Variants in DENND2B observed in about 807,000 individuals in gnomAD.
The protein encoded by DENND2B is DENN domain-containing protein 2B.
A neutral mutation model predicts 116.0 loss-of-function variants in DENND2B; 32 were observed. The observed-to-expected ratio is 0.28, with a 90% CI of 0.21 to 0.37. DENND2B has a LOEUF of 0.37. Ranked by LOEUF, DENND2B falls within the 10% of genes least tolerant of loss-of-function variation. The pLI is 1.00. For missense variants in DENND2B, 1,276 were observed against 1,477.7 expected, an observed-to-expected ratio of 0.86 and a Z score of 2.24; for synonymous variants, 588 against 583.9, an observed-to-expected ratio of 1.01 and a Z score of -0.10.
intron 3 of DENND2B, 128 bp from the exon 4 acceptor site, chr11:8,726,337 G>A: frequency 1.6e-6 from 2 of 1,283,900 alleles, no homozygotes; most frequent in Non-Finnish European, 2.1e-6. Flanking sequence ...AGAGCATCAA[G>A]GTGGGTCCAA....
At chr11:8,905,711 C>T (rs1267990052) in intron 1 of DENND2B, among the ~76,000 whole-genome samples, 1 of 151,952 alleles carries the variant, frequency 6.6e-6, no homozygotes, top group Non-Finnish European at 1.5e-5. Context: ...AACATGTGTC[C>T]ACACAAAGTC....
rs2063733307 is a variant in DENND2B, at chr11:8,870,349, T to G, written c.-250+605A>C. Among the ~76,000 whole-genome samples, 4 of 152,192 alleles carry G rather than the reference T, an allele frequency of 2.6e-5. No individual in the cohort carries two copies. The South Asian group carries it at 8.3e-4, about 32-fold the overall frequency. ...TTATTGGATAACGTGCCATAAACGT[T>G]GACTAGAGTGTGGACCCTTTAATAC... On this transcript the variant is annotated intron_variant, in intron 2 of 6. Coordinates refer to the DENND2B transcript ENST00000524757.
chr11:8,774,810 A>T (rs2057394424), intron 1 of DENND2B, among the ~76,000 whole-genome samples: 1 of 151,186 alleles, frequency 6.6e-6, no homozygotes, highest in Non-Finnish European at 1.5e-5. Flanking sequence ...CCCTGGGGAG[A>T]CTGAGATGAG....
chr11:8,737,057 T>C (rs1456735424), intron 2 of DENND2B, among the ~76,000 whole-genome samples: 1 of 152,144 alleles, frequency 6.6e-6, no homozygotes, highest in Non-Finnish European at 1.5e-5. Context: ...GCTGGGCCAA[T>C]GCAATTTGCT....
chr11:8,696,779 T>C, intron 17 of DENND2B, 113 bp from the exon 18 acceptor site: 1 of 1,477,972 alleles, frequency 6.8e-7, no homozygotes, highest in Non-Finnish European at 9.1e-7. Flanking sequence ...AGTACCACTC[T>C]TCTGTTCTGG....
At chr11:8,906,841 T>C (rs1264031201) in intron 1 of DENND2B, among the ~76,000 whole-genome samples, 1 of 152,236 alleles carries the variant, frequency 6.6e-6, no homozygotes, top group African/African-American at 2.4e-5. Flanking sequence ...AAAGCTGTGA[T>C]GATTCCAAAG....
At chr11:8,784,000 T>C (rs933107927) in intron 1 of DENND2B, 1 of 152,188 alleles carries the variant, frequency 6.6e-6, no homozygotes, top group African/African-American at 2.4e-5. Context: ...AAAATTTTAA[T>C]ACGTTTTTCA....
Position 8,730,079 on chromosome 11 carries a change from C to G in DENND2B, c.1211G>C (p.Ser404Thr). 1 of 1,614,162 alleles carries G rather than the reference C, an allele frequency of 6.2e-7. No individual in the cohort carries two copies. ...AGGAGGTAGACCATTACTGGGCTTA[C>G]TCTTGGGGTTCTTGTCAGCCTCGTA... Reference protein sequence around the residue: ...FEYEADKNPKSKPSNGLPPSP... With the variant: ...FEYEADKNPKTKPSNGLPPSP... Residue 404 changes from serine to threonine, a missense_variant, in exon 3 of 20, where the codon AGT becomes ACT. Physicochemically the swap from Ser to Thr is moderately conservative, Grantham distance 58 (BLOSUM62 1). Coordinates refer to ENST00000313726, the MANE Select transcript of DENND2B (RefSeq NM_213618.2). The surrounding 1 kb of genome is among the most constrained non-coding windows in gnomAD (Gnocchi z 4.1).
rs959271000 is a variant in DENND2B at position 8,851,355 on chromosome 11, G to A, written c.-156+5988C>T. On this transcript the variant is annotated intron_variant, in intron 3 of 6. Transcript: ENST00000524757. ...TAACAAAAACATGTAAATCATAAAAGAAATAGAAATTAAACGGCCATTAAA... is the reference window on the plus strand; with the variant it reads ...TAACAAAAACATGTAAATCATAAAAAAAATAGAAATTAAACGGCCATTAAA... Among the ~76,000 whole-genome samples the A allele has an allele frequency of 5.9e-5, 9 of 151,796 alleles. No individual in the cohort carries two copies. In the South Asian group the frequency reaches 8.3e-4, roughly 14 times the overall value.
At chr11:8,711,803 G>A (rs2043753133) in intron 9 of DENND2B, 2 of 299,300 alleles carry the variant, frequency 6.7e-6, no homozygotes, top group African/African-American at 4.3e-5. Flanking sequence ...GGAGGCGGAG[G>A]TTGCAGTGAG....
rs139819186 is a variant in DENND2B at position 8,851,710 on chromosome 11, T to C, written c.-156+5633A>G. Among the ~76,000 whole-genome samples the C allele has an allele frequency of 6.8e-3, 1,002 of 147,112 alleles. 10 individuals are homozygous for C. Among genetic ancestry groups the C allele is most frequent in the African/African-American group, 0.022 (884 of 41,068 alleles). On this transcript the variant is annotated intron_variant, in intron 3 of 6. Transcript: ENST00000524757. ...GATATTCACCATAGCATTTCTGTAATAGTTTAAATACATAGGGGGGGACAA... is the reference window on the plus strand; with the variant it reads ...GATATTCACCATAGCATTTCTGTAACAGTTTAAATACATAGGGGGGGACAA...
chr11:8,750,817 G>C (rs2052268324), intron 1 of DENND2B, 92 bp from the exon 2 acceptor site: 2 of 1,118,790 alleles, frequency 1.8e-6, no homozygotes, highest in Admixed American at 3.6e-5. Context: ...AGTGCCAAGA[G>C]GGTGTCTGTG....
intron 1 of DENND2B, among the ~76,000 whole-genome samples, chr11:8,900,852 C>T (rs1303139548): frequency 5.9e-5 from 9 of 151,960 alleles, no homozygotes. Flanking sequence ...ACCTGTAACC[C>T]CAGCTACTTG....
Position 8,779,501 on chromosome 11 carries a change from TCTTTCTTTC to T in DENND2B, c.-25-28785_-25-28777del, listed in dbSNP as rs1480181922. On this transcript the variant is annotated intron_variant, in intron 1 of 19. Coordinates refer to ENST00000313726, the MANE Select transcript of DENND2B (RefSeq NM_213618.2). ...GGGTTTCCTTTTTCTTTCTTTTCTT[TCTTTCTTTC>T]TTTCTTTTTTTTTTTTTTTGAGACG... Among the ~76,000 whole-genome samples, 878 of 126,948 alleles carry T rather than the reference TCTTTCTTTC, an allele frequency of 6.9e-3. 4 individuals carry two copies. Among genetic ancestry groups the T allele is most frequent in the Middle Eastern group, 0.016 (4 of 244 alleles). The allele number at this position is 126,948 out of a possible 152,430, so 83.3% of individuals were successfully genotyped here. A position where few individuals can be genotyped will look rare whatever the true frequency, so the allele number is the denominator to read the frequency against.
At chr11:8,845,786 C>T (rs2062790243) in intron 3 of DENND2B, among the ~76,000 whole-genome samples, 1 of 152,106 alleles carries the variant, frequency 6.6e-6, no homozygotes, top group Non-Finnish European at 1.5e-5. Flanking sequence ...GCTTATCTGC[C>T]TCTCCCACCA....
At chr11:8,870,488 CTGTGTGTGTTGTGCGTGTGTATG>C (rs1163408580) in intron 2 of DENND2B, among the ~76,000 whole-genome samples, 1 of 149,338 alleles carries the variant, frequency 6.7e-6, no homozygotes, top group African/African-American at 2.4e-5. Flanking sequence ...TTCCGTGTGT[CTGTGTGTGTTGTGCGTGTGTATG>C]TGTGTGTGTG....
chr11:8,730,482 T>A lies in DENND2B; in HGVS notation c.808A>T (p.Arg270Trp), dbSNP rs747418277. The change falls in exon 3 of 20, where the codon AGG becomes TGG. Residue 270 changes from arginine (R) to tryptophan (W), a missense_variant. Physicochemically the swap from Arg to Trp is moderately radical, Grantham distance 101 (BLOSUM62 -3). This residue lies in a region of DENND2B where 856 missense variants were observed against 846.6 expected (regional missense o/e 1.01). Coordinates refer to ENST00000313726, the MANE Select transcript of DENND2B (RefSeq NM_213618.2). This position sits in a 1 kb window ranked among gnomAD's most constrained non-coding sequence, Gnocchi z 4.1. ...LGRSEPSAFLRGHGSRKESSA... is the reference protein window; with the variant it reads ...LGRSEPSAFLWGHGSRKESSA... ...CTCTCCTTCCTGCTGCCATGCCCCCTGAGGAAGGCGCTGGGCTCACTCCGG... is the reference window on the plus strand; with the variant it reads ...CTCTCCTTCCTGCTGCCATGCCCCCAGAGGAAGGCGCTGGGCTCACTCCGG... 2 of 1,612,056 alleles carry A rather than the reference T, an allele frequency of 1.2e-6. No individual in the cohort carries two copies. The highest frequency in any genetic ancestry group is 1.7e-6 in the Non-Finnish European group (2 of 1,179,968).
chr11:8,863,139 G>A (rs954736465), intron 2 of DENND2B, among the ~76,000 whole-genome samples: 3 of 151,566 alleles, frequency 2.0e-5, no homozygotes, highest in East Asian at 1.9e-4. Context: ...AACATAGGGG[G>A]ACCCCGTCTC....
At chr11:8,736,770 G>A (rs2049126064) in intron 2 of DENND2B, among the ~76,000 whole-genome samples, 1 of 152,174 alleles carries the variant, frequency 6.6e-6, no homozygotes, top group Admixed American at 6.5e-5. Context: ...ATGAAGTGTG[G>A]GCTGGAGATG....
Sources: gnomAD v4.1 joint callset for allele counts (sites outside exome capture counted in the v4.1 genomes callset) on GRCh38, gnomAD v4.1.1 for gene constraint, gnomAD v4.1.1 regional missense constraint, Gnocchi (gnomAD v3.1) non-coding constraint, MANE v1.5 for transcripts, NCBI Gene and HGNC (gene_info 2026-07-23, HGNC 2026-07-21) for gene names.